The following SEL1L3 variants were observed in gnomAD, a reference collection of about 807,000 sequenced individuals.
The protein encoded by SEL1L3 is SEL1L family member 3.
SEL1L3 carries 76 observed loss-of-function variants against 142.8 expected under a neutral mutation model. That is an observed-to-expected ratio of 0.53 (90% confidence interval 0.44 to 0.64). SEL1L3 has a LOEUF of 0.64. Ranked by LOEUF, SEL1L3 falls within the 30% of genes least tolerant of loss-of-function variation. The pLI is 0.00. For synonymous variants in SEL1L3, 504 were observed against 519.6 expected (o/e 0.97, Z 0.41); for missense variants, 1,262 against 1,381.7 (o/e 0.91, Z 1.37).
chr4:25,813,195 T>C (rs1333646875), intron 9 of SEL1L3, among the ~76,000 whole-genome samples: 2 of 152,210 alleles, frequency 1.3e-5, no homozygotes, highest in East Asian at 3.8e-4. Flanking sequence ...TGCTTCTGGA[T>C]ACTGTATATA....
At chr4:25,723,968 G>A in the SEL1L3 span, among the ~76,000 whole-genome samples, 1 of 152,324 alleles carries the variant, frequency 6.6e-6, no homozygotes, top group South Asian at 2.1e-4. Context: ...CTGACTTACA[G>A]CAGTTGCTTT....
chr4:25,717,929 T>C, the SEL1L3 span, among the ~76,000 whole-genome samples: 4 of 152,182 alleles, frequency 2.6e-5, no homozygotes, highest in Non-Finnish European at 5.9e-5. Context: ...GACCAACGGA[T>C]GACTCTAATC....
intron 11 of SEL1L3, among the ~76,000 whole-genome samples, chr4:25,799,031 G>A (rs1263163994): frequency 2.0e-5 from 3 of 152,054 alleles, no homozygotes; most frequent in African/African-American, 7.2e-5. Context: ...TCATCTTTCT[G>A]CATCCTCATG....
At chr4:25,824,156 T>C (rs760001604) in intron 6 of SEL1L3, among the ~76,000 whole-genome samples, 6 of 152,090 alleles carry the variant, frequency 3.9e-5, no homozygotes, top group Admixed American at 6.6e-5. Flanking sequence ...TCTCTGAGAG[T>C]TGCGAACTGA....
intron 9 of SEL1L3, among the ~76,000 whole-genome samples, chr4:25,812,868 C>T (rs1220492449): frequency 6.6e-6 from 1 of 152,068 alleles, no homozygotes; most frequent in Non-Finnish European, 1.5e-5. Flanking sequence ...CAAAAATTAG[C>T]TGGGTGTGGT....
At chr4:25,847,925 A>T in intron 1 of SEL1L3, 61 bp from the exon 2 acceptor site, 2 of 956,916 alleles carry the variant, frequency 2.1e-6, no homozygotes, top group Non-Finnish European at 1.5e-6. Context: ...ATCATAACAG[A>T]TACTTGAATC....
At chr4:25,766,407 T>C (rs1215315895) in intron 19 of SEL1L3, among the ~76,000 whole-genome samples, 1 of 137,618 alleles carries the variant, frequency 7.3e-6, no homozygotes. Flanking sequence ...ACCATTGCAC[T>C]CCAGCCTAGG....
intron 5 of SEL1L3, among the ~76,000 whole-genome samples, chr4:25,831,491 AAAT>A (rs1174295839): frequency 2.6e-3 from 357 of 134,816 alleles, no homozygotes; most frequent in Non-Finnish European, 3.7e-3. Flanking sequence ...AATTATTTTT[AAAT>A]AATAATAATA....
At chr4:25,845,284 T>C (rs1242810800) in intron 2 of SEL1L3, among the ~76,000 whole-genome samples, 3 of 152,098 alleles carry the variant, frequency 2.0e-5, no homozygotes, top group African/African-American at 7.2e-5. Flanking sequence ...TGCTTGAGCC[T>C]AGGAGTTCAA....
intron 23 of SEL1L3, among the ~76,000 whole-genome samples, chr4:25,755,701 A>G (rs1361653399): frequency 6.6e-6 from 1 of 152,162 alleles, no homozygotes; most frequent in Admixed American, 6.5e-5. Flanking sequence ...AGGCATGGAG[A>G]CAGAAAAAAG....
intron 6 of SEL1L3, among the ~76,000 whole-genome samples, chr4:25,828,228 A>C (rs566169573): frequency 2.2e-4 from 34 of 152,290 alleles, no homozygotes; most frequent in Non-Finnish European, 4.9e-4. Context: ...TCCAGCCATG[A>C]AAATAAGAAT....
At chr4:25,721,703 G>C in the SEL1L3 span, among the ~76,000 whole-genome samples, 6 of 152,342 alleles carry the variant, frequency 3.9e-5, no homozygotes, top group East Asian at 7.7e-4. Flanking sequence ...CAGGAGGAAG[G>C]CTTCAGCGAA....
chr4:25,770,743 A>G (rs1250000992), intron 17 of SEL1L3, among the ~76,000 whole-genome samples: 2 of 134,298 alleles, frequency 1.5e-5, no homozygotes, highest in Non-Finnish European at 3.0e-5. Flanking sequence ...CTGTCTCAAA[A>G]AAAAAAAAAA....
chr4:25,713,997 A>G, the SEL1L3 span, among the ~76,000 whole-genome samples: 1 of 152,132 alleles, frequency 6.6e-6, no homozygotes, highest in Non-Finnish European at 1.5e-5. Flanking sequence ...TTTTTCCCAC[A>G]CGTGAACCAC....
chr4:25,814,621 C>A (rs1225930663), intron 9 of SEL1L3, among the ~76,000 whole-genome samples: 1 of 152,034 alleles, frequency 6.6e-6, no homozygotes, highest in Non-Finnish European at 1.5e-5. Context: ...CCCGCCGGAG[C>A]CAGCTAGGGC....
At position 25,757,686 on chromosome 4, in the gene SEL1L3, AC is replaced by A; in HGVS notation, c.3186+1del. ...GTGGGGCCGGTGGGACATGAAACCT[AC>A]CAGGGCTGAGTGCAGGATAGCACCC... On this transcript the variant is annotated splice_donor_variant, in intron 22 of 23. Transcript: ENST00000399878. LOFTEE classifies it high-confidence loss of function. The A allele has an allele frequency of 6.3e-7, 1 of 1,584,748 alleles. No individual in the cohort carries two copies. The highest frequency in any genetic ancestry group is 1.2e-5 in the South Asian group (1 of 86,442).
At chr4:25,803,702 G>A (rs1309847087) in intron 10 of SEL1L3, among the ~76,000 whole-genome samples, 1 of 152,124 alleles carries the variant, frequency 6.6e-6, no homozygotes, top group Non-Finnish European at 1.5e-5. Context: ...CAAAAAGGCA[G>A]AGGAAAGAGA....
At chr4:25,729,317 A>G in the SEL1L3 span, among the ~76,000 whole-genome samples, 6 of 152,106 alleles carry the variant, frequency 3.9e-5, no homozygotes, top group African/African-American at 1.4e-4. Context: ...TTAAGTCTCC[A>G]CCCCAAAGTG....
At chr4:25,861,570 A>C (rs1717705935) in intron 1 of SEL1L3, among the ~76,000 whole-genome samples, 1 of 152,218 alleles carries the variant, frequency 6.6e-6, no homozygotes, top group Non-Finnish European at 1.5e-5. Flanking sequence ...TCCAAAAAGA[A>C]AGACTCCAAA....
Sources: allele counts gnomAD v4.1 joint callset (sites outside exome capture counted in the v4.1 genomes callset), GRCh38; gene constraint gnomAD v4.1.1; transcripts MANE v1.5; gene names NCBI Gene and HGNC (gene_info 2026-07-23, HGNC 2026-07-21).